COL14A1: variants seen among roughly 807,000 people sequenced by gnomAD.
COL14A1 encodes collagen alpha-1(XIV) chain.
A neutral mutation model predicts 230.3 loss-of-function variants in COL14A1; 136 were observed. The ratio of observed to expected loss-of-function variants is 0.59; its 90% CI spans 0.51 to 0.68. The LOEUF (loss-of-function observed/expected upper bound fraction) is 0.68. Among genes scored for constraint, COL14A1 ranks in the 30% least tolerant of loss-of-function variants. The pLI is 0.00. For synonymous variants in COL14A1, 792 were observed against 784.1 expected (o/e 1.01, Z -0.17); for missense variants, 1,976 against 2,215.8 (o/e 0.89, Z 2.17).
At chr8:120,257,645 A>T (rs543854183) in intron 23 of COL14A1, among the ~76,000 whole-genome samples, 1 of 152,316 alleles carries the variant, frequency 6.6e-6, no homozygotes, top group African/African-American at 2.4e-5. Context: ...CCACAGGCAG[A>T]TGAGTCTCAG....
rs189125555 is a variant in COL14A1, at chr8:120,173,929, A to G, written c.436+5682A>G. Among the ~76,000 whole-genome samples, 3 of 152,290 alleles carry G rather than the reference A, an allele frequency of 2.0e-5. No homozygotes were observed. The East Asian group carries it at 5.8e-4, about 29-fold the overall frequency. Reference sequence around the variant, plus strand: ...GAGTTCAATGTTTGCTTTTAGTCTAAGGTATATCATATCTGTGTTCAAAAG... The same window carrying G: ...GAGTTCAATGTTTGCTTTTAGTCTAGGGTATATCATATCTGTGTTCAAAAG... On this transcript the variant is annotated intron_variant, in intron 5 of 47. Coordinates refer to ENST00000297848, the MANE Select transcript of COL14A1 (RefSeq NM_021110.4).
At chr8:120,203,529 A>G (rs1276527396) in intron 8 of COL14A1, among the ~76,000 whole-genome samples, 180 bp from the exon 9 acceptor site, 1 of 151,970 alleles carries the variant, frequency 6.6e-6, no homozygotes, top group East Asian at 1.9e-4. Flanking sequence ...ATATTTTTTC[A>G]TTTCATCGGT....
intron 1 of COL14A1, among the ~76,000 whole-genome samples, chr8:120,128,805 CTG>C (rs1183059037): frequency 6.6e-6 from 1 of 152,154 alleles, no homozygotes; most frequent in Non-Finnish European, 1.5e-5. Context: ...AAAGGTGTCT[CTG>C]TGAATTTTAG....
intron 15 of COL14A1, among the ~76,000 whole-genome samples, chr8:120,226,204 A>G (rs956494105): frequency 6.6e-6 from 1 of 152,108 alleles, no homozygotes; most frequent in African/African-American, 2.4e-5. Context: ...TCCAGGATTA[A>G]TACCAGGGAG....
Position 120,207,003 on chromosome 8 carries a change from G to C in COL14A1, c.1100G>C (p.Arg367Thr), listed in dbSNP as rs769200145. ...TTGATTACTTCTGAAGTCACTGCCA[G>C]AAGCTTTATGGTTAACTGGACTCAT... is the stretch of plus-strand genomic sequence containing the variant. ...TELITSEVTARSFMVNWTHAP... is the reference protein window; with the variant it reads ...TELITSEVTATSFMVNWTHAP... The change falls in exon 10 of 48, where the codon AGA becomes ACA. Residue 367 changes from arginine to threonine, a missense_variant. Coordinates refer to ENST00000297848, the MANE Select transcript of COL14A1 (RefSeq NM_021110.4). 1 of 1,613,880 alleles carries C rather than the reference G, an allele frequency of 6.2e-7. No homozygotes were observed. Among genetic ancestry groups the C allele is most frequent in the Non-Finnish European group, 8.5e-7 (1 of 1,179,908 alleles).
intron 42 of COL14A1, among the ~76,000 whole-genome samples, chr8:120,339,083 C>T (rs773166907): frequency 5.3e-5 from 8 of 152,178 alleles, no homozygotes; most frequent in Non-Finnish European, 8.8e-5. Context: ...CTCAGCCTCC[C>T]GAGTAGCTGG....
At chr8:120,157,891 C>G (rs1422036573) in intron 2 of COL14A1, among the ~76,000 whole-genome samples, 1 of 152,126 alleles carries the variant, frequency 6.6e-6, no homozygotes, top group Non-Finnish European at 1.5e-5. Context: ...GAGGCTGAGG[C>G]AGAGAATTGT....
chr8:120,336,361 C>T (rs1014887265), intron 42 of COL14A1, among the ~76,000 whole-genome samples: 1 of 152,108 alleles, frequency 6.6e-6, no homozygotes, highest in Admixed American at 6.5e-5. Context: ...GATTGCATCA[C>T]TTAGGTGGCA....
chr8:120,320,838 A>G (rs1821413898), intron 40 of COL14A1, among the ~76,000 whole-genome samples: 1 of 152,206 alleles, frequency 6.6e-6, no homozygotes, highest in African/African-American at 2.4e-5. Context: ...AGCAGCAACC[A>G]CTATCATTAC....
At chr8:120,176,175 G>T (rs1816277106) in intron 5 of COL14A1, among the ~76,000 whole-genome samples, 1 of 152,164 alleles carries the variant, frequency 6.6e-6, no homozygotes, top group Non-Finnish European at 1.5e-5. Flanking sequence ...TGGGCCAATG[G>T]TTTATATTAT....
At chr8:120,293,133 C>G (rs901316532) in intron 34 of COL14A1, among the ~76,000 whole-genome samples, 2 of 151,964 alleles carry the variant, frequency 1.3e-5, no homozygotes, top group Non-Finnish European at 2.9e-5. Context: ...TTCTGGCATA[C>G]AATCATATTT....
chr8:120,159,883 G>A (rs1815604092), intron 3 of COL14A1, among the ~76,000 whole-genome samples: 1 of 152,048 alleles, frequency 6.6e-6, no homozygotes, highest in South Asian at 2.1e-4. Flanking sequence ...GTAGAGATGG[G>A]ATTTCACCAT....
chr8:120,201,455 G>A (rs985092649), intron 8 of COL14A1, among the ~76,000 whole-genome samples: 7 of 152,020 alleles, frequency 4.6e-5, no homozygotes, highest in Admixed American at 4.6e-4. Context: ...ACAGAAATTG[G>A]CAAACACTAC....
intron 3 of COL14A1, among the ~76,000 whole-genome samples, chr8:120,160,410 G>A (rs1815624862): frequency 6.6e-6 from 1 of 152,018 alleles, no homozygotes; most frequent in Non-Finnish European, 1.5e-5. Context: ...GTACCCCCAA[G>A]CAAGTGTTAC....
intron 26 of COL14A1, among the ~76,000 whole-genome samples, chr8:120,272,050 C>T (rs1819682708): frequency 6.6e-6 from 1 of 151,320 alleles, no homozygotes; most frequent in South Asian, 2.1e-4. Context: ...GAAAGAATGG[C>T]TAAGAAAATG....
chr8:120,162,360 A>G (rs1815706629), intron 3 of COL14A1, 66 bp from the exon 4 acceptor site: 3 of 1,351,898 alleles, frequency 2.2e-6, no homozygotes, highest in Non-Finnish European at 3.0e-6. Flanking sequence ...CTAACTAATA[A>G]AGTTTCTTAA....
intron 22 of COL14A1, among the ~76,000 whole-genome samples, chr8:120,254,115 G>A (rs180815738): frequency 8.5e-5 from 13 of 152,150 alleles, no homozygotes; most frequent in Middle Eastern, 3.4e-3. Context: ...AGATAATTCC[G>A]AGGTATTTTT....
intron 1 of COL14A1, among the ~76,000 whole-genome samples, chr8:120,139,026 A>T (rs1210757213): frequency 6.6e-6 from 1 of 152,146 alleles, no homozygotes; most frequent in Non-Finnish European, 1.5e-5. Flanking sequence ...TTATGAGTAA[A>T]ACTTAGCTAG....
At chr8:120,340,037 C>T (rs1244876442) in intron 42 of COL14A1, among the ~76,000 whole-genome samples, 1 of 77,732 alleles carries the variant, frequency 1.3e-5, no homozygotes, top group African/African-American at 5.0e-5. Context: ...GACTGCGTCT[C>T]AAAAAAAAAA....
Sources: allele counts gnomAD v4.1 joint callset (sites outside exome capture counted in the v4.1 genomes callset), GRCh38; gene constraint gnomAD v4.1.1; transcripts MANE v1.5; gene names NCBI Gene and HGNC (gene_info 2026-07-23, HGNC 2026-07-21).